CSMD1: variants seen among roughly 807,000 people sequenced by gnomAD.
CSMD1 encodes CUB and Sushi multiple domains 1.
A neutral mutation model predicts 417.5 loss-of-function variants in CSMD1; 213 were observed. That is an observed-to-expected ratio of 0.51 (90% CI 0.46 to 0.57). The LOEUF is 0.57. Ranked by LOEUF, CSMD1 falls within the 20% of genes least tolerant of loss-of-function variation. The probability of loss-of-function intolerance (pLI) is 0.00; values close to 1 mark genes in which losing one functional copy is unlikely to be tolerated. For missense variants in CSMD1, 6,923 were observed against 4,529.7 expected (o/e 1.53, Z -15.17); for synonymous variants, 2,862 against 1,736.8 (o/e 1.65, Z -16.11).
At chr8:3,443,676 A>C (rs945218156) in intron 12 of CSMD1, among the ~76,000 whole-genome samples, 1 of 152,196 alleles carries the variant, frequency 6.6e-6, no homozygotes, top group Non-Finnish European at 1.5e-5. Context: ...ATCACAATAA[A>C]ACAAAATTAT....
intron 3 of CSMD1, among the ~76,000 whole-genome samples, chr8:4,082,269 A>G (rs1482623778): frequency 6.6e-6 from 1 of 152,186 alleles, no homozygotes; most frequent in East Asian, 1.9e-4. Flanking sequence ...TATTAAAACT[A>G]ACACAAGGTA....
intron 5 of CSMD1, among the ~76,000 whole-genome samples, chr8:3,926,539 T>A (rs1315761864): frequency 6.6e-6 from 1 of 152,022 alleles, no homozygotes; most frequent in Non-Finnish European, 1.5e-5. Flanking sequence ...AGCAAATAAT[T>A]GTTTCTTTTT....
At chr8:4,553,777 G>A (rs919821246) in intron 2 of CSMD1, among the ~76,000 whole-genome samples, 10 of 152,110 alleles carry the variant, frequency 6.6e-5, no homozygotes, top group Non-Finnish European at 2.9e-5. Context: ...ACGTGTAATC[G>A]TCCTATGTCT....
In CSMD1 at chr8:4,897,832, A is replaced by G. The variant is rs116375287; in HGVS notation, c.85+96500T>C. 6.1e-3 allele frequency among the ~76,000 whole-genome samples: 935 copies of G among 152,278 alleles called. 22 individuals are homozygous for G. The highest frequency in any genetic ancestry group is 0.022 in the African/African-American group (893 of 41,510). ...GACAGAGACTTAAATAAGTTTTTGT[A>G]TAATGCTAAGAAGAGAAAGGCAATC... On this transcript the variant is annotated intron_variant, in intron 1 of 69. Transcript: ENST00000635120.
chr8:4,084,693 A>T (rs1364675830), intron 3 of CSMD1, among the ~76,000 whole-genome samples: 1 of 152,018 alleles, frequency 6.6e-6, no homozygotes, highest in Non-Finnish European at 1.5e-5. Flanking sequence ...CAATAGAGGC[A>T]TCAATTAGCA....
chr8:4,802,858 A>G (rs1307754162), intron 1 of CSMD1, among the ~76,000 whole-genome samples: 1 of 152,230 alleles, frequency 6.6e-6, no homozygotes, highest in Non-Finnish European at 1.5e-5. Context: ...GTATGTCCTT[A>G]GAGATGCAAA....
chr8:4,764,783 G>C (rs1468961161), intron 1 of CSMD1, among the ~76,000 whole-genome samples: 1 of 145,812 alleles, frequency 6.9e-6, no homozygotes, highest in Non-Finnish European at 1.5e-5. Context: ...TGCGGCAGGA[G>C]AATGGTGTGA....
chr8:3,384,516 C>T (rs1810846370), intron 18 of CSMD1, among the ~76,000 whole-genome samples: 1 of 151,008 alleles, frequency 6.6e-6, no homozygotes, highest in Admixed American at 6.6e-5. Context: ...ATTAGTTTTT[C>T]ATATGCTCTG....
intron 3 of CSMD1, among the ~76,000 whole-genome samples, chr8:4,178,989 A>G (rs2131167598): frequency 6.6e-6 from 1 of 152,038 alleles, no homozygotes; most frequent in Non-Finnish European, 1.5e-5. Flanking sequence ...TATCGTGAAA[A>G]TGGCCATACT....
intron 1 of CSMD1, among the ~76,000 whole-genome samples, chr8:4,785,466 GC>G (rs1168281880): frequency 2.0e-5 from 3 of 152,124 alleles, no homozygotes; most frequent in African/African-American, 7.2e-5. Flanking sequence ...CCTTTGCTAA[GC>G]TTTGGACCTC....
At chr8:3,647,052 A>G (rs1797611703) in intron 7 of CSMD1, among the ~76,000 whole-genome samples, 1 of 152,184 alleles carries the variant, frequency 6.6e-6, no homozygotes, top group Non-Finnish European at 1.5e-5. Context: ...CTTGCGTGTC[A>G]GCTCAGGTTT....
At chr8:3,567,189 G>A (rs1799749540) in intron 10 of CSMD1, among the ~76,000 whole-genome samples, 1 of 152,104 alleles carries the variant, frequency 6.6e-6, no homozygotes, top group Admixed American at 6.5e-5. Context: ...AATACTGCAT[G>A]TTCTCACTTC....
chr8:3,572,377 G>T (rs1401411586), intron 10 of CSMD1, among the ~76,000 whole-genome samples: 2 of 152,154 alleles, frequency 1.3e-5, no homozygotes, highest in African/African-American at 4.8e-5. Flanking sequence ...GAGGTGGGCA[G>T]GAGAGGGGCT....
intron 3 of CSMD1, among the ~76,000 whole-genome samples, chr8:4,065,642 G>A (rs540467327): frequency 6.1e-4 from 93 of 152,236 alleles, no homozygotes; most frequent in African/African-American, 2.2e-3. Flanking sequence ...CCAAGGCCAG[G>A]CAATGCCTTT....
chr8:4,662,628 C>G (rs1804672980), intron 1 of CSMD1, among the ~76,000 whole-genome samples: 1 of 152,178 alleles, frequency 6.6e-6, no homozygotes, highest in African/African-American at 2.4e-5. Flanking sequence ...ACATCATGTT[C>G]TTCAGAAATA....
chr8:4,187,894 C>G (rs1798779109), intron 3 of CSMD1, among the ~76,000 whole-genome samples: 1 of 151,978 alleles, frequency 6.6e-6, no homozygotes, highest in Non-Finnish European at 1.5e-5. Context: ...GCAGCACTGG[C>G]ATGATATCAT....
chr8:3,901,597 T>A (rs1015208249), intron 5 of CSMD1, among the ~76,000 whole-genome samples: 2 of 152,228 alleles, frequency 1.3e-5, no homozygotes, highest in African/African-American at 2.4e-5. Context: ...GGGGCTCAGA[T>A]CTTTTGATAG....
chr8:3,154,351 G>A (rs934857901), intron 39 of CSMD1, among the ~76,000 whole-genome samples: 1 of 152,196 alleles, frequency 6.6e-6, no homozygotes, highest in African/African-American at 2.4e-5. Flanking sequence ...TCATCAAGTT[G>A]CAGACTGACT....
At chr8:3,520,465 TA>T (rs1797461459) in intron 10 of CSMD1, among the ~76,000 whole-genome samples, 1 of 152,220 alleles carries the variant, frequency 6.6e-6, no homozygotes, top group Admixed American at 6.5e-5. Flanking sequence ...ATCAAGTTAC[TA>T]TTGCTAGACT....
Sources: allele counts gnomAD v4.1 joint callset (sites outside exome capture counted in the v4.1 genomes callset), GRCh38; gene constraint gnomAD v4.1.1; transcripts MANE v1.5; gene names NCBI Gene and HGNC (gene_info 2026-07-23, HGNC 2026-07-21).